Variants in THSD4 observed in about 807,000 individuals in gnomAD.
THSD4 encodes the protein thrombospondin type 1 domain containing 4, also known as thrombospondin type-1 domain-containing protein 4.
THSD4 carries 69 observed loss-of-function variants against 119.0 expected under a neutral mutation model. The observed-to-expected ratio is 0.58, with a 90% CI of 0.48 to 0.71. THSD4 has a LOEUF of 0.71. Ranked by LOEUF, THSD4 falls within the 30% of genes least tolerant of loss-of-function variation. The pLI is 0.00. For synonymous variants in THSD4, 524 were observed against 540.4 expected (o/e 0.97, Z 0.42); for missense variants, 1,393 against 1,391.1 (o/e 1.00, Z -0.02).
At chr15:71,706,882 C>T (rs1440030041) in intron 8 of THSD4, among the ~76,000 whole-genome samples, 1 of 152,062 alleles carries the variant, frequency 6.6e-6, no homozygotes, top group Non-Finnish European at 1.5e-5. Context: ...TGAGGCAAGA[C>T]GTGGTTTGTC....
At chr15:71,716,482 T>A (rs1042900287) in intron 8 of THSD4, among the ~76,000 whole-genome samples, 1 of 152,126 alleles carries the variant, frequency 6.6e-6, no homozygotes, top group African/African-American at 2.4e-5. Flanking sequence ...ACTGTAGTAC[T>A]ACGCTAGAAT....
At chr15:71,275,526 G>A (rs1000725710) in intron 6 of THSD4, among the ~76,000 whole-genome samples, 13 of 152,068 alleles carry the variant, frequency 8.5e-5, no homozygotes, top group African/African-American at 1.7e-4. Context: ...TTACAACTAC[G>A]GTGTGATCAG....
chr15:71,735,780 CTG>C (rs2053080318), intron 10 of THSD4, among the ~76,000 whole-genome samples: 2 of 151,304 alleles, frequency 1.3e-5, no homozygotes, highest in East Asian at 2.0e-4. Flanking sequence ...TTCTCTGTCT[CTG>C]TCTCTCCTGC....
In THSD4 at chr15:71,212,044, C is replaced by T. The variant is rs56655740; in HGVS notation, c.100-2991C>T. ...GAACAGAAGAAGGGGAGAGGGTTGTCAGGAGGATCAGGAAGGAGTGGAGGG... is the reference window on the plus strand; with the variant it reads ...GAACAGAAGAAGGGGAGAGGGTTGTTAGGAGGATCAGGAAGGAGTGGAGGG... On this transcript the variant is annotated intron_variant, in intron 3 of 17. Transcript: ENST00000261862. 8.4e-3 allele frequency among the ~76,000 whole-genome samples: 1,282 copies of T among 152,254 alleles called. 20 individuals are homozygous for T. The highest frequency in any genetic ancestry group is 0.03 in the African/African-American group (1,253 of 41,536).
At chr15:71,574,284 G>A (rs946887501) in intron 7 of THSD4, among the ~76,000 whole-genome samples, 1 of 152,146 alleles carries the variant, frequency 6.6e-6, no homozygotes, top group African/African-American at 2.4e-5. Flanking sequence ...ATAGGCTCAA[G>A]TTTTGAACCT....
intron 8 of THSD4, among the ~76,000 whole-genome samples, chr15:71,725,920 T>C (rs886157525): frequency 2.6e-5 from 4 of 152,106 alleles, no homozygotes; most frequent in African/African-American, 9.7e-5. Context: ...TAGCTGGGAT[T>C]ACAGGCATGC....
intron 7 of THSD4, among the ~76,000 whole-genome samples, chr15:71,512,722 T>G (rs2048300577): frequency 6.6e-6 from 1 of 151,910 alleles, no homozygotes; most frequent in African/African-American, 2.4e-5. Context: ...AAAACAATAC[T>G]AGAATTCTTT....
chr15:71,553,236 C>T (rs1412512021), intron 7 of THSD4, among the ~76,000 whole-genome samples: 2 of 152,020 alleles, frequency 1.3e-5, no homozygotes, highest in Non-Finnish European at 2.9e-5. Context: ...CTTCTTGTTT[C>T]TACCTCATGT....
intron 7 of THSD4, among the ~76,000 whole-genome samples, chr15:71,617,107 C>T (rs2050331176): frequency 6.6e-6 from 1 of 152,098 alleles, no homozygotes; most frequent in Non-Finnish European, 1.5e-5. Context: ...GATATCATGG[C>T]AAATGTCCTC....
At chr15:71,109,792 G>A (rs545811518) in intron 1 of THSD4, among the ~76,000 whole-genome samples, 179 of 151,986 alleles carry the variant, frequency 1.2e-3, no homozygotes, top group African/African-American at 4.1e-3. Flanking sequence ...CTGGTGAGCC[G>A]CTACAACTAG....
chr15:71,601,873 A>G (rs2050017567), intron 7 of THSD4, among the ~76,000 whole-genome samples: 1 of 152,232 alleles, frequency 6.6e-6, no homozygotes, highest in Admixed American at 6.5e-5. Context: ...AATAAACACA[A>G]GTTTGATTAG....
At chr15:71,765,275 C>T (rs886270108) in intron 16 of THSD4, 76 bp downstream of exon 16, 2 of 1,490,108 alleles carry the variant, frequency 1.3e-6, no homozygotes, top group African/African-American at 1.4e-5. Flanking sequence ...CCCCTCTGGG[C>T]CAGGCACTGG....
In THSD4 at chr15:71,614,060, A is replaced by G. The variant is rs149960845; in HGVS notation, c.1153-46470A>G. 1.1e-3 allele frequency among the ~76,000 whole-genome samples: 161 copies of G among 152,366 alleles called. 3 individuals carry two copies. Among genetic ancestry groups the G allele is most frequent in the African/African-American group, 3.4e-3 (140 of 41,590 alleles). On this transcript the variant is annotated intron_variant, in intron 7 of 17. Coordinates refer to ENST00000261862, the MANE Select transcript of THSD4 (RefSeq NM_024817.3). ...TCTGTGGTTGAGGCAGGAACAGAAT[A>G]TAAATGCTTGTTCTCTAAAGAACCC...
chr15:71,486,833 C>A (rs1335290810), intron 7 of THSD4, among the ~76,000 whole-genome samples: 1 of 152,048 alleles, frequency 6.6e-6, no homozygotes. Context: ...CTGGAGCTAA[C>A]CCCCTGGCTC....
rs191395808 is a variant in THSD4, at chr15:71,483,885, A to G, written c.1152+72062A>G. Among the ~76,000 whole-genome samples, 531 of 152,216 alleles carry G rather than the reference A, an allele frequency of 3.5e-3. 4 individuals carry two copies. Among genetic ancestry groups the G allele is most frequent in the African/African-American group, 0.013 (521 of 41,520 alleles). On this transcript the variant is annotated intron_variant, in intron 7 of 17. Coordinates refer to ENST00000261862, the MANE Select transcript of THSD4 (RefSeq NM_024817.3). ...TTCCTGCATTAGTTTGCTGAAGATA[A>G]TGGCCTCCAGCTCCATGTGTGTCCC...
At chr15:71,375,384 G>A (rs142758528) in intron 6 of THSD4, among the ~76,000 whole-genome samples, 5 of 152,284 alleles carry the variant, frequency 3.3e-5, no homozygotes, top group Non-Finnish European at 7.4e-5. Context: ...CCAAGACCGA[G>A]TTGGATGCTC....
chr15:71,688,570 A>G (rs976499628), intron 8 of THSD4, among the ~76,000 whole-genome samples: 2 of 152,238 alleles, frequency 1.3e-5, no homozygotes, highest in Non-Finnish European at 2.9e-5. Context: ...CAAAAATAAT[A>G]GATGAAAAAG....
At chr15:71,715,543 T>A (rs898725233) in intron 8 of THSD4, among the ~76,000 whole-genome samples, 21 of 152,190 alleles carry the variant, frequency 1.4e-4, no homozygotes, top group East Asian at 1.9e-4. Context: ...GTGTTTATAT[T>A]TTTTTTAATG....
At chr15:71,158,229 C>T (rs1393856232) in intron 3 of THSD4, among the ~76,000 whole-genome samples, 4 of 146,838 alleles carry the variant, frequency 2.7e-5, no homozygotes, top group Non-Finnish European at 3.0e-5. Flanking sequence ...TCTCAGCTCA[C>T]TGCAACCTCC....
Sources: allele counts gnomAD v4.1 joint callset (sites outside exome capture counted in the v4.1 genomes callset), GRCh38; gene constraint gnomAD v4.1.1; transcripts MANE v1.5; gene names NCBI Gene and HGNC (gene_info 2026-07-23, HGNC 2026-07-21).